SIK3: variants seen among roughly 807,000 people sequenced by gnomAD.
SIK3 encodes serine/threonine-protein kinase SIK3.
SIK3 carries 28 observed loss-of-function variants against 144.2 expected under a neutral mutation model. The observed-to-expected ratio is 0.19, with a 90% CI of 0.14 to 0.27. The LOEUF is 0.27. Ranked by LOEUF, SIK3 falls within the 10% of genes least tolerant of loss-of-function variation. SIK3 has a pLI of 1.00. For missense variants in SIK3, 1,319 were observed against 1,776.0 expected (o/e 0.74, Z 4.62); for synonymous variants, 686 against 676.3 (o/e 1.01, Z -0.22).
chr11:117,055,410 T>C (rs548776871), intron 1 of SIK3, among the ~76,000 whole-genome samples: 1 of 152,374 alleles, frequency 6.6e-6, no homozygotes, highest in East Asian at 1.9e-4. Context: ...CTCCCCACTC[T>C]TACTTACAGA....
chr11:117,011,023 CGTGGGAGGAT>C (rs1377525321), intron 1 of SIK3, among the ~76,000 whole-genome samples: 1 of 152,054 alleles, frequency 6.6e-6, no homozygotes, highest in Admixed American at 6.6e-5. Context: ...AGGAGGCTGA[CGTGGGAGGAT>C]CGCTTGAGCA....
intron 1 of SIK3, among the ~76,000 whole-genome samples, chr11:117,068,643 C>G (rs540056785): frequency 6.6e-6 from 1 of 152,272 alleles, no homozygotes; most frequent in East Asian, 1.9e-4. Flanking sequence ...GCTACTCAGG[C>G]AGCTGAGCCC....
chr11:116,931,203 C>T (rs1319049647), intron 3 of SIK3, among the ~76,000 whole-genome samples: 4 of 152,118 alleles, frequency 2.6e-5, no homozygotes, highest in African/African-American at 9.7e-5. Context: ...GTTAGAAGTA[C>T]AGGAAATCGA....
In SIK3 at chr11:116,863,600, A is replaced by G. The variant is rs1465333076; in HGVS notation, c.2103+68T>C. On this transcript the variant is annotated intron_variant, in intron 16 of 24. Coordinates refer to ENST00000445177, the MANE Select transcript of SIK3 (RefSeq NM_001366686.3). ...ATAAAAGGGGTACGTTTACCACCCC[A>G]GTCCTCCTGCAATCCTGGCCTCTGT... 3.7e-6 allele frequency: 6 copies of G among 1,605,028 alleles called. No individual in the cohort carries two copies. In the African/African-American group the frequency reaches 8.0e-5, roughly 21 times the overall value.
intron 3 of SIK3, among the ~76,000 whole-genome samples, chr11:116,945,238 C>A (rs1948524433): frequency 6.6e-6 from 1 of 152,050 alleles, no homozygotes; most frequent in African/African-American, 2.4e-5. Context: ...GGATTACAGG[C>A]GTGAGCACAA....
At position 116,859,471 on chromosome 11, in the gene SIK3, C is replaced by A. The variant is rs1270115335; in HGVS notation, c.2559G>T (p.Gln853His). ...CLGMQQPAQS[Q>H]QVTIQVQEPV... The stretch of plus-strand genomic sequence containing the variant: ...GCTCTTGGACTTGGATGGTGACCTG[C>A]TGTGACTGAGCAGGCTGCTGCATAC... The change falls in exon 20 of 25, where the codon CAG becomes CAT. Residue 853 changes from glutamine (Q) to histidine (H), a missense_variant. Coordinates refer to ENST00000445177, the MANE Select transcript of SIK3 (RefSeq NM_001366686.3). The A allele has an allele frequency of 6.2e-7, 1 of 1,614,230 alleles. No homozygotes were observed. Among genetic ancestry groups the A allele is most frequent in the Non-Finnish European group, 8.5e-7 (1 of 1,180,036 alleles).
At chr11:117,048,960 G>A (rs2135897960) in intron 1 of SIK3, among the ~76,000 whole-genome samples, 1 of 152,180 alleles carries the variant, frequency 6.6e-6, no homozygotes, top group Middle Eastern at 3.4e-3. Flanking sequence ...AATTAGCTGG[G>A]CGTGGTGGCG....
At chr11:116,966,158 C>G (rs772621493) in intron 1 of SIK3, among the ~76,000 whole-genome samples, 1 of 152,112 alleles carries the variant, frequency 6.6e-6, no homozygotes, top group Non-Finnish European at 1.5e-5. Context: ...AATAGGCCGG[C>G]CTGGTGGCTC....
chr11:117,081,100 C>T (rs1385599387), intron 1 of SIK3, among the ~76,000 whole-genome samples: 1 of 151,744 alleles, frequency 6.6e-6, no homozygotes, highest in African/African-American at 2.4e-5. Context: ...TGGAGATATA[C>T]TATTAAATGA....
chr11:116,917,840 G>GGAAAGGAAAGGAAAGGAAAC (rs1228609099), intron 4 of SIK3, among the ~76,000 whole-genome samples: 2 of 149,522 alleles, frequency 1.3e-5, no homozygotes, highest in Non-Finnish European at 3.0e-5. Context: ...GGAAAGGAAA[G>GGAAAGGAAAGGAAAGGAAAC]GAAAGGAAAG....
intron 1 of SIK3, among the ~76,000 whole-genome samples, chr11:117,090,374 A>G (rs1955189854): frequency 6.6e-6 from 1 of 151,540 alleles, no homozygotes; most frequent in South Asian, 2.1e-4. Flanking sequence ...TCTTGTGTTT[A>G]CTTAGGATAA....
intron 1 of SIK3, among the ~76,000 whole-genome samples, chr11:116,992,013 G>A (rs909919868): frequency 2.6e-5 from 4 of 151,880 alleles, no homozygotes; most frequent in South Asian, 2.1e-4. Flanking sequence ...GTCTTTCTAC[G>A]TATTTAGACA....
intron 1 of SIK3, among the ~76,000 whole-genome samples, chr11:117,011,229 C>G (rs1951240557): frequency 6.6e-6 from 1 of 151,794 alleles, no homozygotes; most frequent in South Asian, 2.1e-4. Context: ...TTTTTTCCCC[C>G]TGTAAACAGA....
At chr11:116,883,264 C>T (rs145093712) in intron 6 of SIK3, among the ~76,000 whole-genome samples, 2,876 of 152,282 alleles carry the variant, frequency 0.019, 46 homozygotes, top group Non-Finnish European at 0.029. Context: ...CCTGCCTTTT[C>T]CTAAAAGACA....
chr11:116,857,665 A>G (rs1943027968), intron 21 of SIK3, 145 bp downstream of exon 21: 1 of 1,386,968 alleles, frequency 7.2e-7, no homozygotes. Context: ...CCCACTTCCT[A>G]CATGCTTCTC....
rs1946540321 is a variant in SIK3, at chr11:116,914,936, AAG to A, written c.616+12281_616+12282del. On this transcript the variant is annotated intron_variant, in intron 4 of 24. Coordinates refer to ENST00000445177, the MANE Select transcript of SIK3 (RefSeq NM_001366686.3). ...CATTTTTCTATGATTTATGATACAG[AAG>A]AGACTTTAGCTAAAAGACATTTTAT... Among the ~76,000 whole-genome samples the A allele has an allele frequency of 2.0e-5, 3 of 152,370 alleles. No homozygotes were observed. In the South Asian group the frequency reaches 6.2e-4, roughly 32 times the overall value.
Position 116,844,980 on chromosome 11 carries a change from CAT to C in SIK3, c.*661_*662del, listed in dbSNP as rs1941837937. The C allele has an allele frequency of 6.6e-6, 1 of 152,074 alleles. No individual in the cohort carries two copies. The highest frequency in any genetic ancestry group is 1.5e-5 in the Non-Finnish European group (1 of 68,022). 9.4% of individuals were successfully genotyped at this position (152,074 alleles called of 1,614,324 possible). On this transcript the variant is annotated 3_prime_UTR_variant, in exon 25 of 25. Coordinates refer to ENST00000445177, the MANE Select transcript of SIK3 (RefSeq NM_001366686.3). Reference sequence around the variant, plus strand: ...TTCATATGATCTTGGCTAGGACAGACATGTTTTCCGTGGATCCCAGCAGTAAA... The same window carrying C: ...TTCATATGATCTTGGCTAGGACAGACGTTTTCCGTGGATCCCAGCAGTAAA...
intron 1 of SIK3, among the ~76,000 whole-genome samples, chr11:116,972,015 G>A (rs1036946026): frequency 2.0e-5 from 3 of 151,878 alleles, no homozygotes; most frequent in African/African-American, 7.3e-5. Flanking sequence ...AAACCTGGAG[G>A]GGCGGAGGCT....
chr11:117,065,026 G>A (rs185749727), intron 1 of SIK3, among the ~76,000 whole-genome samples: 302 of 152,174 alleles, frequency 2.0e-3, no homozygotes, highest in African/African-American at 6.3e-3. Flanking sequence ...GCACACGCCT[G>A]TAGTCCCAGC....
Sources: allele counts gnomAD v4.1 joint callset (sites outside exome capture counted in the v4.1 genomes callset), GRCh38; gene constraint gnomAD v4.1.1; transcripts MANE v1.5; gene names NCBI Gene and HGNC (gene_info 2026-07-23, HGNC 2026-07-21).